ANO1: variants seen among roughly 807,000 people sequenced by gnomAD.
ANO1 encodes the protein anoctamin-1.
A neutral mutation model predicts 124.0 loss-of-function variants in ANO1; 59 were observed. The observed-to-expected ratio is 0.48, with a 90% CI of 0.39 to 0.59. ANO1 has a LOEUF of 0.59. Ranked by LOEUF, ANO1 falls within the 20% of genes least tolerant of loss-of-function variation. The pLI is 0.00. For synonymous variants in ANO1, 529 were observed against 532.0 expected, an observed-to-expected ratio of 0.99 and a Z score of 0.08; for missense variants, 1,059 against 1,328.0, an observed-to-expected ratio of 0.80 and a Z score of 3.15.
At chr11:69,990,995 T>G (rs989249626) in intron 1 of ANO1, among the ~76,000 whole-genome samples, 3 of 152,250 alleles carry the variant, frequency 2.0e-5, no homozygotes, top group Admixed American at 2.0e-4. Context: ...ACGTTTTCTT[T>G]TGTTGCTCAT....
At chr11:70,065,580 G>A (rs1041850816) in intron 1 of ANO1, among the ~76,000 whole-genome samples, 7 of 151,554 alleles carry the variant, frequency 4.6e-5, no homozygotes, top group Non-Finnish European at 7.4e-5. Context: ...GTCCCCCGTC[G>A]TCCCTCTAGT....
chr11:70,022,321 G>A (rs1591039992), intron 1 of ANO1, among the ~76,000 whole-genome samples: 1 of 152,156 alleles, frequency 6.6e-6, no homozygotes, highest in South Asian at 2.1e-4. Flanking sequence ...AATGGAAGCC[G>A]GGTGTGGTGG....
intron 8 of ANO1, among the ~76,000 whole-genome samples, chr11:70,117,051 C>T (rs1220200369): frequency 6.6e-6 from 1 of 150,644 alleles, no homozygotes; most frequent in East Asian, 1.9e-4. Flanking sequence ...AGGGAACACA[C>T]TTTGGGAAAC....
At chr11:70,169,563 C>T (rs954238029) in intron 21 of ANO1, among the ~76,000 whole-genome samples, 1 of 151,732 alleles carries the variant, frequency 6.6e-6, no homozygotes, top group African/African-American at 2.4e-5. Flanking sequence ...GCCCACCCTG[C>T]TGAGTGACCC....
Position 70,161,701 on chromosome 11 carries a change from C to A in ANO1, c.1860C>A (p.Thr620=). 17 of 1,614,012 alleles carry A rather than the reference C, an allele frequency of 1.1e-5. No individual in the cohort carries two copies. Among genetic ancestry groups the A allele is most frequent in the Non-Finnish European group, 1.4e-5 (17 of 1,179,894 alleles). ...TGCTGAAGTTTGTGAATTCCTACAC[C>A]CCCATCTTTTACGTGGCGTTCTTCA... ...AFLLKFVNSY[T]PIFYVAFFKG... The change falls in exon 18 of 26, where the codon ACC becomes ACA. Residue 620 remains threonine, a synonymous_variant. Coordinates refer to ENST00000355303, the MANE Select transcript of ANO1 (RefSeq NM_018043.7).
chr11:70,161,459 T>G, intron 17 of ANO1, 97 bp downstream of exon 17: 1 of 1,459,326 alleles, frequency 6.9e-7, no homozygotes, highest in East Asian at 2.3e-5. Flanking sequence ...TTAACTTCTC[T>G]GGGCCCCAGC....
intron 1 of ANO1, among the ~76,000 whole-genome samples, chr11:69,995,681 G>A (rs1490595016): frequency 2.0e-5 from 3 of 152,136 alleles, no homozygotes; most frequent in Non-Finnish European, 2.9e-5. Flanking sequence ...GAAGACCACC[G>A]AGGTAAAGAG....
intron 1 of ANO1, among the ~76,000 whole-genome samples, chr11:70,055,985 C>G (rs1555006800): frequency 6.6e-6 from 1 of 151,258 alleles, no homozygotes; most frequent in African/African-American, 2.5e-5. Flanking sequence ...CCCACCCCAC[C>G]TTTTGTTTAT....
intron 1 of ANO1, among the ~76,000 whole-genome samples, chr11:69,987,221 G>A (rs568531675): frequency 6.6e-6 from 1 of 152,300 alleles, no homozygotes; most frequent in South Asian, 2.1e-4. Flanking sequence ...GGCCACCAGG[G>A]CCTACTCTTG....
At chr11:70,178,233 G>A (rs2048801204) in intron 22 of ANO1, among the ~76,000 whole-genome samples, 1 of 152,250 alleles carries the variant, frequency 6.6e-6, no homozygotes, top group Non-Finnish European at 1.5e-5. Context: ...CGGGTCGGAA[G>A]TGTTTCCACT....
intron 1 of ANO1, among the ~76,000 whole-genome samples, chr11:70,031,727 G>A (rs536708451): frequency 2.0e-5 from 3 of 152,280 alleles, no homozygotes; most frequent in South Asian, 4.2e-4. Flanking sequence ...TGTCACTGCC[G>A]CTGTCACTAC....
chr11:70,069,196 A>G (rs1555009004), intron 1 of ANO1, among the ~76,000 whole-genome samples: 1 of 152,216 alleles, frequency 6.6e-6, no homozygotes, highest in African/African-American at 2.4e-5. Flanking sequence ...CTCCCTGACC[A>G]AGGAAAGGGT....
chr11:70,008,527 C>T (rs1452180495), intron 1 of ANO1, among the ~76,000 whole-genome samples: 3 of 152,164 alleles, frequency 2.0e-5, no homozygotes, highest in South Asian at 2.1e-4. Context: ...GGTCTTGGCA[C>T]ATTTGTGGAA....
At chr11:70,105,637 G>C in intron 4 of ANO1, 97 bp from the exon 5 acceptor site, 1 of 1,153,100 alleles carries the variant, frequency 8.7e-7, no homozygotes, top group South Asian at 1.2e-5. Flanking sequence ...TCACGGTCAC[G>C]GCTAATGGGG....
intron 1 of ANO1, chr11:70,072,725 G>T (rs1351986835): frequency 6.6e-6 from 1 of 152,356 alleles, no homozygotes; most frequent in Non-Finnish European, 1.5e-5. Flanking sequence ...ATGCAACTTT[G>T]GTGCACTCAC....
At chr11:70,159,060 G>A (rs554126909) in intron 16 of ANO1, among the ~76,000 whole-genome samples, 5 of 152,198 alleles carry the variant, frequency 3.3e-5, no homozygotes, top group South Asian at 2.1e-4. Flanking sequence ...GGGCCAGTGC[G>A]GGGCCGGGAA....
chr11:70,138,768 C>T (rs576107273), intron 11 of ANO1, among the ~76,000 whole-genome samples: 55 of 152,122 alleles, frequency 3.6e-4, no homozygotes, highest in African/African-American at 1.2e-3. Flanking sequence ...TTTTTAGTTG[C>T]AGTTTTTTTT....
intron 2 of ANO1, among the ~76,000 whole-genome samples, chr11:70,100,318 A>T (rs186525538): frequency 2.4e-4 from 36 of 152,348 alleles, no homozygotes; most frequent in Admixed American, 1.2e-3. Context: ...GTCTTCGCAG[A>T]GGGAATGAAG....
At chr11:70,107,653 G>A (rs569001182) in intron 5 of ANO1, among the ~76,000 whole-genome samples, 26 of 152,332 alleles carry the variant, frequency 1.7e-4, no homozygotes, top group South Asian at 2.1e-4. Flanking sequence ...AACTGAGGCC[G>A]GGAGTGGTGA....
Sources: allele counts gnomAD v4.1 joint callset (sites outside exome capture counted in the v4.1 genomes callset), GRCh38; gene constraint gnomAD v4.1.1; transcripts MANE v1.5; gene names NCBI Gene and HGNC (gene_info 2026-07-23, HGNC 2026-07-21).